SETBP1: variants seen among roughly 807,000 people sequenced by gnomAD.
SETBP1 encodes the protein SET-binding protein.
A neutral mutation model predicts 101.0 loss-of-function variants in SETBP1; 9 were observed. The observed-to-expected ratio is 0.09, with a 90% CI of 0.05 to 0.16. The LOEUF (loss-of-function observed/expected upper bound fraction) is 0.16. SETBP1 is among the 10% of genes least tolerant of loss of function. The pLI, the probability that SETBP1 is intolerant of heterozygous loss-of-function variation, is 1.00. For missense variants in SETBP1, 1,858 were observed against 2,033.8 expected (o/e 0.91, Z 1.66); for synonymous variants, 818 against 788.5 (o/e 1.04, Z -0.63).
At chr18:44,783,206 G>T (rs2071170639) in intron 2 of SETBP1, among the ~76,000 whole-genome samples, 1 of 152,184 alleles carries the variant, frequency 6.6e-6, no homozygotes, top group Non-Finnish European at 1.5e-5. Flanking sequence ...GAGATATTTT[G>T]CATGTTTTGG....
rs993472903 is a variant in SETBP1, at chr18:45,065,003, T to G, written c.*1305T>G. The stretch of plus-strand genomic sequence containing the variant: ...CCAAATTGTGGTTGCCTTAATAAAC[T>G]AAAACATTATTGTACATAATGTAAT... On this transcript the variant is annotated 3_prime_UTR_variant, in exon 6 of 6. Coordinates refer to ENST00000649279, the MANE Select transcript of SETBP1 (RefSeq NM_015559.3). 4.6e-5 allele frequency: 7 copies of G among 152,210 alleles called. No individual in the cohort carries two copies. The highest frequency in any genetic ancestry group is 1.0e-4 in the Non-Finnish European group (7 of 68,040). 9.4% of individuals were successfully genotyped at this position (152,210 alleles called of 1,614,324 possible). A position where few individuals can be genotyped will look rare whatever the true frequency, so the allele number is the denominator to read the frequency against.
intron 3 of SETBP1, among the ~76,000 whole-genome samples, chr18:44,913,175 G>A (rs963380549): frequency 3.3e-5 from 5 of 152,158 alleles, no homozygotes; most frequent in Non-Finnish European, 7.3e-5. Flanking sequence ...TACATTGATG[G>A]GCTTCTACAT....
intron 2 of SETBP1, among the ~76,000 whole-genome samples, chr18:44,792,946 C>A (rs1208041316): frequency 6.6e-6 from 1 of 152,126 alleles, no homozygotes; most frequent in Admixed American, 6.5e-5. Flanking sequence ...TAGAAACTAC[C>A]CGGAGGAGAG....
intron 2 of SETBP1, among the ~76,000 whole-genome samples, chr18:44,710,985 C>T (rs2069326141): frequency 6.6e-6 from 1 of 152,070 alleles, no homozygotes; most frequent in Non-Finnish European, 1.5e-5. Flanking sequence ...TACAGACAGA[C>T]ACAACATGCA....
intron 4 of SETBP1, among the ~76,000 whole-genome samples, chr18:44,955,103 A>G (rs191866659): frequency 1.2e-4 from 19 of 152,310 alleles, no homozygotes; most frequent in African/African-American, 4.3e-4. Flanking sequence ...TAGGTTTCTC[A>G]ACGATTTTAC....
chr18:45,046,640 G>A (rs536043678), intron 5 of SETBP1, among the ~76,000 whole-genome samples: 6 of 152,334 alleles, frequency 3.9e-5, no homozygotes, highest in Admixed American at 1.3e-4. Flanking sequence ...AATGGAAAAC[G>A]GGAGAGTGCA....
intron 3 of SETBP1, among the ~76,000 whole-genome samples, chr18:44,880,394 T>C (rs894968116): frequency 6.6e-6 from 1 of 152,166 alleles, no homozygotes; most frequent in African/African-American, 2.4e-5. Context: ...CCAGGCTTAA[T>C]TGTATTGTGA....
chr18:44,777,516 C>A (rs2071029963), intron 2 of SETBP1, among the ~76,000 whole-genome samples: 2 of 152,262 alleles, frequency 1.3e-5, no homozygotes, highest in African/African-American at 2.4e-5. Context: ...CCGCGTATGT[C>A]CTGGGGCTGC....
chr18:44,737,360 G>A (rs2069991441), intron 2 of SETBP1, among the ~76,000 whole-genome samples: 1 of 152,184 alleles, frequency 6.6e-6, no homozygotes, highest in Admixed American at 6.5e-5. Context: ...CCAGTATTTG[G>A]TTACCTGCCC....
chr18:44,806,048 C>G (rs1467674446), intron 2 of SETBP1, among the ~76,000 whole-genome samples: 2 of 152,100 alleles, frequency 1.3e-5, no homozygotes, highest in Non-Finnish European at 2.9e-5. Flanking sequence ...TCCTCTTTGC[C>G]TCTGTCACAC....
intron 2 of SETBP1, among the ~76,000 whole-genome samples, chr18:44,735,608 A>G (rs1411540327): frequency 6.6e-6 from 1 of 152,226 alleles, no homozygotes; most frequent in Admixed American, 6.5e-5. Flanking sequence ...TACCTATGAT[A>G]GGTGCTCCAG....
chr18:44,786,198 T>G (rs1431454387), intron 2 of SETBP1, among the ~76,000 whole-genome samples: 1 of 152,224 alleles, frequency 6.6e-6, no homozygotes, highest in Non-Finnish European at 1.5e-5. Flanking sequence ...ATGCAATGTT[T>G]TAGTTATTTG....
intron 2 of SETBP1, among the ~76,000 whole-genome samples, chr18:44,825,915 G>T (rs938815792): frequency 7.2e-5 from 11 of 152,082 alleles, no homozygotes; most frequent in Non-Finnish European, 2.9e-5. Context: ...TGTGATACAG[G>T]ATAAGGGAAC....
intron 2 of SETBP1, among the ~76,000 whole-genome samples, chr18:44,833,955 A>G (rs917228575): frequency 1.6e-4 from 25 of 152,280 alleles, no homozygotes; most frequent in Admixed American, 1.3e-3. Context: ...ATTGTTCTGC[A>G]TAAGAAATGA....
chr18:44,930,364 C>T (rs1201175303), intron 3 of SETBP1, among the ~76,000 whole-genome samples: 1 of 152,082 alleles, frequency 6.6e-6, no homozygotes, highest in Admixed American at 6.5e-5. Context: ...ATTTTTGCAT[C>T]GATGTTCATC....
intron 5 of SETBP1, among the ~76,000 whole-genome samples, chr18:45,052,830 GTAGT>G (rs2073744204): frequency 6.6e-6 from 1 of 152,150 alleles, no homozygotes; most frequent in African/African-American, 2.4e-5. Flanking sequence ...CAGCCCAGAG[GTAGT>G]TAAAAGGACA....
chr18:44,918,297 C>T (rs2070494163), intron 3 of SETBP1, among the ~76,000 whole-genome samples: 1 of 152,190 alleles, frequency 6.6e-6, no homozygotes, highest in African/African-American at 2.4e-5. Flanking sequence ...TGGGGTGGAG[C>T]CACCACCTCA....
At chr18:44,936,256 C>T (rs557721996) in intron 3 of SETBP1, among the ~76,000 whole-genome samples, 173 of 147,524 alleles carry the variant, frequency 1.2e-3, no homozygotes, top group Non-Finnish European at 2.1e-3. Context: ...AAGACAGAGC[C>T]GTGGTGCTGT....
intron 2 of SETBP1, among the ~76,000 whole-genome samples, chr18:44,798,077 G>A (rs73487174): frequency 0.019 from 2,955 of 152,230 alleles, 87 homozygotes; most frequent in African/African-American, 0.068. Context: ...TTTTAGGCCA[G>A]GAAATATACA....
Sources: gnomAD v4.1 joint callset for allele counts (sites outside exome capture counted in the v4.1 genomes callset) on GRCh38, gnomAD v4.1.1 for gene constraint, MANE v1.5 for transcripts, NCBI Gene and HGNC (gene_info 2026-07-23, HGNC 2026-07-21) for gene names.